Variants in CFDP1 observed in about 807,000 individuals in gnomAD.
The protein encoded by CFDP1 is heterochromatin-stabilizing protein CFDP1.
A neutral mutation model predicts 40.1 loss-of-function variants in CFDP1; 31 were observed. The observed-to-expected ratio is 0.77, with a 90% CI of 0.58 to 1.04. The LOEUF is 1.04. Among genes scored for constraint, CFDP1 ranks in the 50% least tolerant of loss-of-function variants. The probability of loss-of-function intolerance (pLI) is 0.00; values close to 1 mark genes in which losing one functional copy is unlikely to be tolerated. For synonymous variants in CFDP1, 167 were observed against 120.0 expected (o/e 1.39, Z -2.56); for missense variants, 423 against 343.4 (o/e 1.23, Z -1.83).
In CFDP1 at chr16:75,354,854, A is replaced by C. The variant is rs138150166; in HGVS notation, c.650+40236T>G. On this transcript the variant is annotated intron_variant, in intron 5 of 6. Transcript: ENST00000283882. The stretch of plus-strand genomic sequence containing the variant: ...TCCCGTTGTTAATCTCTTAATTTTG[A>C]CAAATGTACCACTGCCAAATATAAG... Among the ~76,000 whole-genome samples the C allele has an allele frequency of 1.4e-3, 218 of 152,310 alleles. 2 individuals are homozygous for C. Among genetic ancestry groups the C allele is most frequent in the African/African-American group, 5.0e-3 (207 of 41,566 alleles).
chr16:75,303,368 A>T lies in CFDP1; in HGVS notation c.809+1656T>A, dbSNP rs1021193505. On this transcript the variant is annotated intron_variant, in intron 6 of 6. Coordinates refer to ENST00000283882, the MANE Select transcript of CFDP1 (RefSeq NM_006324.3). ...GTGACAGGGTGAGACTCCATCTCTA[A>T]ATAAATAAATAAATAAATAAATAAA... is the stretch of plus-strand genomic sequence containing the variant. Among the ~76,000 whole-genome samples, 53 of 93,228 alleles carry T rather than the reference A, an allele frequency of 5.7e-4. No individual in the cohort carries two copies. In the Admixed American group the frequency reaches 7.4e-3, roughly 13 times the overall value. 61.2% of individuals were successfully genotyped at this position (93,228 alleles called of 152,430 possible). A position where few individuals can be genotyped will look rare whatever the true frequency, so the allele number is the denominator to read the frequency against.
intron 5 of CFDP1, among the ~76,000 whole-genome samples, chr16:75,361,062 T>G (rs1597354191): frequency 6.6e-6 from 1 of 151,970 alleles, no homozygotes; most frequent in Non-Finnish European, 1.5e-5. Flanking sequence ...CAGGCTGGAG[T>G]GTAGTGGCGT....
At chr16:75,308,641 C>T in intron 5 of CFDP1, among the ~76,000 whole-genome samples, 1 of 152,102 alleles carries the variant, frequency 6.6e-6, no homozygotes, top group South Asian at 2.1e-4. Flanking sequence ...CTTTAGAGCG[C>T]TTCTACACTG....
rs61344775 is a variant in CFDP1 at position 75,393,737 on chromosome 16, C to CAAAAAAAAAA, written c.650+1343_650+1352dup. Among the ~76,000 whole-genome samples, 18 of 80,616 alleles carry CAAAAAAAAAA rather than the reference C, an allele frequency of 2.2e-4. 1 individual carries two copies. Among genetic ancestry groups the CAAAAAAAAAA allele is most frequent in the African/African-American group, 9.9e-4 (17 of 17,200 alleles). 52.9% of individuals were successfully genotyped at this position (80,616 alleles called of 152,430 possible). ...TGGGCGACAGAGCGAGACTCCGTCG[C>CAAAAAAAAAA]AAAAAAAAAAAAAAAAAAAAAAAAA... On this transcript the variant is annotated intron_variant, in intron 5 of 6. Coordinates refer to ENST00000283882, the MANE Select transcript of CFDP1 (RefSeq NM_006324.3).
intron 5 of CFDP1, among the ~76,000 whole-genome samples, chr16:75,340,064 G>C (rs1454934798): frequency 6.6e-6 from 1 of 152,136 alleles, no homozygotes; most frequent in African/African-American, 2.4e-5. Flanking sequence ...TCTAGTTACT[G>C]AAATAGTAAT....
intron 5 of CFDP1, among the ~76,000 whole-genome samples, chr16:75,383,696 T>G (rs7202567): frequency 0.52 from 78,953 of 151,680 alleles, 21,575 homozygotes; most frequent in Admixed American, 0.64. Context: ...GTGGGCGCCT[T>G]TAGTCCCAGC....
chr16:75,349,678 A>ATATATATATATATATAT (rs1567653462), intron 5 of CFDP1, among the ~76,000 whole-genome samples: 2 of 5,902 alleles, frequency 3.4e-4, no homozygotes, highest in African/African-American at 5.5e-4. Flanking sequence ...AAAAAAAAAA[A>ATATATATATATATATAT]AAAAAAAAAA....
intron 5 of CFDP1, among the ~76,000 whole-genome samples, chr16:75,337,585 G>A (rs1451770336): frequency 6.6e-6 from 1 of 152,182 alleles, no homozygotes; most frequent in African/African-American, 2.4e-5. Context: ...TCCACAGGTT[G>A]TACAGAAAGC....
At chr16:75,430,212 C>T (rs564234970) in intron 1 of CFDP1, among the ~76,000 whole-genome samples, 9 of 151,152 alleles carry the variant, frequency 6.0e-5, no homozygotes, top group African/African-American at 1.7e-4. Flanking sequence ...ACTCTGTTGC[C>T]CAGGCTGGAG....
chr16:75,357,079 AT>A (rs1286891736), intron 5 of CFDP1, among the ~76,000 whole-genome samples: 1 of 151,512 alleles, frequency 6.6e-6, no homozygotes, highest in Non-Finnish European at 1.5e-5. Flanking sequence ...TGCCTGGCTA[AT>A]TTTTGTATTT....
chr16:75,422,831 G>A (rs1288078699), intron 1 of CFDP1, among the ~76,000 whole-genome samples: 1 of 151,898 alleles, frequency 6.6e-6, no homozygotes, highest in Non-Finnish European at 1.5e-5. Context: ...GGGTGACGGA[G>A]CAAAACCCTG....
At chr16:75,361,356 C>T (rs548762582) in intron 5 of CFDP1, among the ~76,000 whole-genome samples, 1 of 152,152 alleles carries the variant, frequency 6.6e-6, no homozygotes, top group Non-Finnish European at 1.5e-5. Flanking sequence ...GTGGCTCACA[C>T]CTGTAATCCC....
At chr16:75,348,525 G>T (rs950826567) in intron 5 of CFDP1, among the ~76,000 whole-genome samples, 3 of 152,156 alleles carry the variant, frequency 2.0e-5, no homozygotes, top group South Asian at 2.1e-4. Context: ...GAATGGGAAA[G>T]AAATGCTCAT....
chr16:75,410,215 A>C (rs990982020), intron 4 of CFDP1, among the ~76,000 whole-genome samples: 1 of 152,132 alleles, frequency 6.6e-6, no homozygotes, highest in Non-Finnish European at 1.5e-5. Flanking sequence ...GAGAGCCTAC[A>C]GGTCTAATTA....
chr16:75,424,826 C>A (rs2079318408), intron 1 of CFDP1, among the ~76,000 whole-genome samples: 1 of 150,898 alleles, frequency 6.6e-6, no homozygotes, highest in African/African-American at 2.4e-5. Context: ...CAACATCATA[C>A]TGGAAGTATA....
intron 1 of CFDP1, among the ~76,000 whole-genome samples, chr16:75,429,240 T>C (rs1231957708): frequency 6.6e-6 from 1 of 152,234 alleles, no homozygotes; most frequent in Non-Finnish European, 1.5e-5. Context: ...CATGGGAATC[T>C]AGAAAGTAAT....
Position 75,411,935 on chromosome 16 carries a change from T to TTCA in CFDP1, c.417_419dup (p.Thr139_Glu140insAsp). ...CCAACAATTTACTTGAACTTGTCTCTTCAGTCTCCTCTCCTTTCTATAAAA... is the reference window on the plus strand; with the variant it reads ...CCAACAATTTACTTGAACTTGTCTCTTCATCAGTCTCCTCTCCTTTCTATAAAA... On this transcript the variant is annotated inframe_insertion, in exon 4 of 7. Coordinates refer to ENST00000283882, the MANE Select transcript of CFDP1 (RefSeq NM_006324.3). The TTCA allele has an allele frequency of 6.2e-7, 1 of 1,608,346 alleles. No homozygotes were observed. Among genetic ancestry groups the TTCA allele is most frequent in the Admixed American group, 1.7e-5 (1 of 58,928 alleles).
intron 1 of CFDP1, among the ~76,000 whole-genome samples, chr16:75,432,514 G>A (rs1368516912): frequency 6.6e-6 from 1 of 151,888 alleles, no homozygotes; most frequent in Non-Finnish European, 1.5e-5. Context: ...TCGCATCACT[G>A]CACTCCAGCC....
rs1225783643 is a variant in CFDP1, at chr16:75,433,421, G to A, written c.-69C>T. On this transcript the variant is annotated 5_prime_UTR_variant, in exon 1 of 7. Transcript: ENST00000283882. ...GCCGCCTCCAACGGCAAAGCTCTAG[G>A]GAGAGACCATAGAGCCCCGGCGGCG... 4 of 1,488,052 alleles carry A rather than the reference G, an allele frequency of 2.7e-6. No homozygotes were observed. Among genetic ancestry groups the A allele is most frequent in the South Asian group, 1.2e-5 (1 of 83,656 alleles). The allele number at this position is 1,488,052 out of a possible 1,614,324, so 92.2% of individuals were successfully genotyped here. A position where few individuals can be genotyped will look rare whatever the true frequency, so the allele number is the denominator to read the frequency against.
Sources: gnomAD v4.1 joint callset for allele counts (sites outside exome capture counted in the v4.1 genomes callset) on GRCh38, gnomAD v4.1.1 for gene constraint, MANE v1.5 for transcripts, NCBI Gene and HGNC (gene_info 2026-07-23, HGNC 2026-07-21) for gene names.